NRXN2: variants seen among roughly 807,000 people sequenced by gnomAD.
The protein encoded by NRXN2 is neurexin-2-beta.
In NRXN2, 29 loss-of-function variants were observed where a neutral mutation model predicts 128.8. The observed-to-expected ratio is 0.23, with a 90% CI of 0.17 to 0.31. The LOEUF (loss-of-function observed/expected upper bound fraction) is 0.31, where lower values mean the gene tolerates loss of function less well. Ranked by LOEUF, NRXN2 falls within the 10% of genes least tolerant of loss-of-function variation. The pLI, the probability that NRXN2 is intolerant of heterozygous loss-of-function variation, is 1.00. For missense variants in NRXN2, 1,881 were observed against 2,452.6 expected (o/e 0.77, Z 4.92); for synonymous variants, 1,098 against 1,075.2 (o/e 1.02, Z -0.41).
chr11:64,685,968 A>G (rs2052988281), intron 5 of NRXN2, 21 bp from the exon 6 acceptor site: 2 of 1,613,960 alleles, frequency 1.2e-6, no homozygotes, highest in Non-Finnish European at 8.5e-7. Flanking sequence ...TGGTGTGGGG[A>G]AACGGGAGAA....
intron 9 of NRXN2, among the ~76,000 whole-genome samples, chr11:64,666,678 C>T (rs1338486766): frequency 6.6e-6 from 1 of 152,030 alleles, no homozygotes; most frequent in Non-Finnish European, 1.5e-5. Context: ...ATTCTCCTGC[C>T]TCAGCCTTCC....
intron 5 of NRXN2, among the ~76,000 whole-genome samples, chr11:64,689,393 G>A (rs1351903529): frequency 6.6e-6 from 1 of 152,088 alleles, no homozygotes; most frequent in Non-Finnish European, 1.5e-5. Flanking sequence ...TAACTCCTCT[G>A]AAAAGAGTCT....
At position 64,648,661 on chromosome 11, in the gene NRXN2, C is replaced by T; in HGVS notation, c.3283+73G>A. The T allele has an allele frequency of 3.4e-5, 54 of 1,589,008 alleles. No homozygotes were observed. The highest frequency in any genetic ancestry group is 4.6e-5 in the Non-Finnish European group (53 of 1,159,118). ...CCCTTGGCAGAGCAAAGGCTACCTG[C>T]CCCGGTCTGCCTCTGCAGCTGGCCA... On this transcript the variant is annotated intron_variant, in intron 16 of 22. Transcript: ENST00000265459. This position sits in a 1 kb window ranked among gnomAD's most constrained non-coding sequence, Gnocchi z 4.1.
chr11:64,648,699 T>C lies in NRXN2; in HGVS notation c.3283+35A>G. On this transcript the variant is annotated intron_variant, in intron 16 of 22. Coordinates refer to ENST00000265459, the MANE Select transcript of NRXN2 (RefSeq NM_015080.4). This position sits in a 1 kb window ranked among gnomAD's most constrained non-coding sequence, Gnocchi z 4.1. ...CTGCAGCTGGCCATCCTGTAGCCAGTAGGGCCACACCTCACTCCTCCACCC... is the reference window on the plus strand; with the variant it reads ...CTGCAGCTGGCCATCCTGTAGCCAGCAGGGCCACACCTCACTCCTCCACCC... 2 of 1,610,634 alleles carry C rather than the reference T, an allele frequency of 1.2e-6. No homozygotes were observed. The highest frequency in any genetic ancestry group is 1.7e-6 in the Non-Finnish European group (2 of 1,178,338).
chr11:64,685,609 T>C, intron 6 of NRXN2, 37 bp downstream of exon 6: 1 of 1,607,418 alleles, frequency 6.2e-7, no homozygotes, highest in South Asian at 1.1e-5. Context: ...CTACCCCAGG[T>C]ATAGCTAATC....
chr11:64,685,972 G>T, intron 5 of NRXN2, 25 bp from the exon 6 acceptor site: 2 of 1,613,818 alleles, frequency 1.2e-6, no homozygotes, highest in South Asian at 2.2e-5. Flanking sequence ...GTGGGGAAAC[G>T]GGAGAAGGCT....
At chr11:64,644,772 G>A (rs2046386001) in intron 17 of NRXN2, among the ~76,000 whole-genome samples, 1 of 151,934 alleles carries the variant, frequency 6.6e-6, no homozygotes, top group Non-Finnish European at 1.5e-5. Context: ...AGGACAGGAG[G>A]CAGGGGCGGG....
At position 64,713,040 on chromosome 11, in the gene NRXN2, G is replaced by C. The variant is rs1379699779; in HGVS notation, c.660C>G (p.Thr220=). ...AGCCCACCTCGCCGGGGGCCAGCAC[G>C]GTGCAGAGGCCGCCGTTGGCGCAGG... The part of the protein sequence containing the change: ...RNPCANGGLC[T]VLAPGEVGCD... Residue 220 remains threonine, a synonymous_variant, in exon 2 of 23, where the codon ACC becomes ACG. Coordinates refer to ENST00000265459, the MANE Select transcript of NRXN2 (RefSeq NM_015080.4). The C allele has an allele frequency of 4.5e-6, 6 of 1,330,106 alleles. No individual in the cohort carries two copies. In the East Asian group the frequency reaches 1.3e-4, roughly 28 times the overall value. 82.4% of individuals were successfully genotyped at this position (1,330,106 alleles called of 1,614,324 possible). A position where few individuals can be genotyped will look rare whatever the true frequency, so the allele number is the denominator to read the frequency against.
intron 9 of NRXN2, among the ~76,000 whole-genome samples, chr11:64,665,258 C>T (rs11231849): frequency 0.11 from 16,931 of 150,018 alleles, 1,448 homozygotes; most frequent in East Asian, 0.29. Flanking sequence ...TCCAGCCTGG[C>T]GACAGAGCAA....
At chr11:64,672,837 C>A in intron 7 of NRXN2, among the ~76,000 whole-genome samples, 1 of 152,110 alleles carries the variant, frequency 6.6e-6, no homozygotes, top group Admixed American at 6.6e-5. Flanking sequence ...AAAGACACAC[C>A]ATGAAGATGG....
chr11:64,682,733 G>A (rs539113811), intron 6 of NRXN2, among the ~76,000 whole-genome samples: 1 of 152,174 alleles, frequency 6.6e-6, no homozygotes, highest in Non-Finnish European at 1.5e-5. Context: ...AAGCATACTG[G>A]GTATGGGAGG....
chr11:64,614,845 C>G (rs373338022), intron 22 of NRXN2, among the ~76,000 whole-genome samples: 1 of 152,232 alleles, frequency 6.6e-6, no homozygotes, highest in Non-Finnish European at 1.5e-5. Context: ...CAGGTCTTGA[C>G]TGGATGCGGT....
intron 3 of NRXN2, 39 bp from the exon 4 acceptor site, chr11:64,692,915 A>C (rs1358000770): frequency 1.3e-6 from 2 of 1,546,906 alleles, no homozygotes; most frequent in East Asian, 4.5e-5. Flanking sequence ...AAAGAAAAAA[A>C]GAAGAAGAAA....
chr11:64,621,058 G>A (rs967587107), intron 21 of NRXN2, among the ~76,000 whole-genome samples: 7 of 152,030 alleles, frequency 4.6e-5, no homozygotes, highest in South Asian at 4.2e-4. Flanking sequence ...AGAAGGGAGC[G>A]CGAGAAACTG....
chr11:64,713,121 G>A lies in NRXN2; in HGVS notation c.579C>T (p.Gly193=), dbSNP rs2057107301. Residue 193 remains glycine (G), a synonymous_variant, in exon 2 of 23, where the codon GGC becomes GGT. Transcript: ENST00000265459. ...KLGERPPALL[G]SQGLRGATAD... ...CGGTGGCGCCGCGCAGGCCCTGGCT[G>A]CCCAGCAGCGCGGGGGGCCGCTCGC... The A allele has an allele frequency of 7.0e-7, 1 of 1,423,264 alleles. No homozygotes were observed. The highest frequency in any genetic ancestry group is 9.2e-7 in the Non-Finnish European group (1 of 1,087,906). The allele number at this position is 1,423,264 out of a possible 1,614,324, so 88.2% of individuals were successfully genotyped here. A position where few individuals can be genotyped will look rare whatever the true frequency, so the allele number is the denominator to read the frequency against.
chr11:64,705,288 A>G (rs1367075511), intron 2 of NRXN2, among the ~76,000 whole-genome samples: 1 of 152,218 alleles, frequency 6.6e-6, no homozygotes, highest in African/African-American at 2.4e-5. Context: ...CTCTTGAGTC[A>G]GCTCAGGGCT....
intron 3 of NRXN2, among the ~76,000 whole-genome samples, chr11:64,693,834 A>G (rs1299482107): frequency 6.6e-6 from 1 of 152,166 alleles, no homozygotes; most frequent in Non-Finnish European, 1.5e-5. Context: ...AGCTCTCTGA[A>G]AGGTCCAAGT....
At chr11:64,677,103 CA>C (rs1401312689) in intron 6 of NRXN2, 66 bp from the exon 7 acceptor site, 5 of 1,095,794 alleles carry the variant, frequency 4.6e-6, no homozygotes, top group Non-Finnish European at 6.9e-6. Flanking sequence ...AACACAACAA[CA>C]AAAGAACAGA....
chr11:64,610,237 C>T (rs568547341), intron 22 of NRXN2, among the ~76,000 whole-genome samples: 38 of 152,284 alleles, frequency 2.5e-4, no homozygotes, highest in Non-Finnish European at 4.4e-4. Context: ...AACCCCAGGG[C>T]TCCTGGCCCT....
Sources: gnomAD v4.1 joint callset for allele counts (sites outside exome capture counted in the v4.1 genomes callset) on GRCh38, gnomAD v4.1.1 for gene constraint, Gnocchi (gnomAD v3.1) non-coding constraint, MANE v1.5 for transcripts, NCBI Gene and HGNC (gene_info 2026-07-23, HGNC 2026-07-21) for gene names.